SLC16A10: variants seen among roughly 807,000 people sequenced by gnomAD.
SLC16A10 encodes monocarboxylate transporter 10.
Under a neutral mutation model 40.0 loss-of-function variants are expected in SLC16A10, and 27 were observed. The observed-to-expected ratio is 0.67, with a 90% confidence interval of 0.50 to 0.93. The LOEUF is 0.93. Ranked by LOEUF, SLC16A10 falls within the 40% of genes least tolerant of loss-of-function variation. The pLI is 0.00. For synonymous variants in SLC16A10, 213 were observed against 249.8 expected (o/e 0.85, Z 1.39); for missense variants, 529 against 658.2 (o/e 0.80, Z 2.15).
intron 3 of SLC16A10, among the ~76,000 whole-genome samples, chr6:111,195,516 C>T (rs1188380281): frequency 2.6e-5 from 4 of 152,006 alleles, no homozygotes; most frequent in Admixed American, 2.0e-4. Flanking sequence ...GAATTTATCA[C>T]GATAAAAAAT....
intron 1 of SLC16A10, among the ~76,000 whole-genome samples, chr6:111,089,400 T>C (rs1179841810): frequency 1.3e-5 from 2 of 152,202 alleles, no homozygotes; most frequent in African/African-American, 2.4e-5. Flanking sequence ...TTGACTATAT[T>C]ATACTCTATG....
chr6:111,133,502 C>G (rs1771822808), intron 1 of SLC16A10, among the ~76,000 whole-genome samples: 1 of 152,104 alleles, frequency 6.6e-6, no homozygotes, highest in African/African-American at 2.4e-5. Flanking sequence ...CCATGATGTC[C>G]TCTTCAAGGG....
chr6:111,098,830 T>G (rs1170903838), intron 1 of SLC16A10, among the ~76,000 whole-genome samples: 1 of 152,230 alleles, frequency 6.6e-6, no homozygotes. Flanking sequence ...GTTGTCATTG[T>G]TGTCCTGTAG....
intron 2 of SLC16A10, chr6:111,173,456 C>T (rs1772624916): frequency 6.6e-6 from 1 of 152,270 alleles, no homozygotes; most frequent in Non-Finnish European, 1.5e-5. Context: ...TCCCCAACCC[C>T]TGTGCCACAG....
At chr6:111,104,177 A>G (rs1771240333) in intron 1 of SLC16A10, among the ~76,000 whole-genome samples, 1 of 152,196 alleles carries the variant, frequency 6.6e-6, no homozygotes, top group Non-Finnish European at 1.5e-5. Flanking sequence ...AAGCTTGGAC[A>G]TTATTTAATA....
chr6:111,197,274 G>A (rs1279069883), intron 3 of SLC16A10, among the ~76,000 whole-genome samples: 1 of 152,192 alleles, frequency 6.6e-6, no homozygotes, highest in Non-Finnish European at 1.5e-5. Context: ...TTAGTGAAGA[G>A]AGGTTAGAAG....
intron 1 of SLC16A10, among the ~76,000 whole-genome samples, chr6:111,134,506 G>C (rs1020916034): frequency 6.6e-6 from 1 of 151,846 alleles, no homozygotes; most frequent in Non-Finnish European, 1.5e-5. Context: ...TGGCAACCTC[G>C]GTTTTTTATA....
chr6:111,204,998 A>T (rs1773232250), intron 3 of SLC16A10, among the ~76,000 whole-genome samples: 1 of 152,086 alleles, frequency 6.6e-6, no homozygotes. Context: ...TCAGTAGGTA[A>T]TAAAGGTACA....
chr6:111,120,646 A>T (rs1267739883), intron 1 of SLC16A10, among the ~76,000 whole-genome samples: 4 of 152,236 alleles, frequency 2.6e-5, no homozygotes, highest in African/African-American at 9.6e-5. Context: ...CCTGTCCATG[A>T]ACCACTTTCA....
intron 3 of SLC16A10, among the ~76,000 whole-genome samples, chr6:111,182,979 C>G (rs73530974): frequency 6.6e-6 from 1 of 152,162 alleles, no homozygotes; most frequent in Admixed American, 6.5e-5. Flanking sequence ...CCTAACTGGT[C>G]TCTCTGTTCC....
intron 1 of SLC16A10, among the ~76,000 whole-genome samples, 199 bp from the exon 2 acceptor site, chr6:111,172,496 T>C (rs1329803447): frequency 1.3e-5 from 2 of 152,304 alleles, no homozygotes; most frequent in East Asian, 1.9e-4. Context: ...ATAAAATAAA[T>C]ACCCAGTAAC....
Position 111,106,433 on chromosome 6 carries a change from GA to G in SLC16A10, c.343+18346del, listed in dbSNP as rs767026340. Among the ~76,000 whole-genome samples the G allele has an allele frequency of 1.3e-4, 19 of 151,710 alleles. 1 individual carries two copies. The highest frequency in any genetic ancestry group is 9.9e-4 in the Admixed American group (15 of 15,226). On this transcript the variant is annotated intron_variant, in intron 1 of 5. Coordinates refer to ENST00000368851, the MANE Select transcript of SLC16A10 (RefSeq NM_018593.5). ...CCACTTCAAGAGGCAGACTATTTTG[GA>G]AAAAAAAGTCTGGTAAAAGTAATGC...
At chr6:111,221,911 G>T (rs1271777901) in intron 5 of SLC16A10, 92 bp from the exon 6 acceptor site, 11 of 1,120,168 alleles carry the variant, frequency 9.8e-6, no homozygotes, top group Admixed American at 6.2e-5. Context: ...AAAGTCTGAT[G>T]TCTGAGATGT....
Position 111,089,908 on chromosome 6 carries a change from G to GTT in SLC16A10, c.343+1850_343+1851dup, listed in dbSNP as rs541758500. On this transcript the variant is annotated intron_variant, in intron 1 of 5. Transcript: ENST00000368851. Reference sequence around the variant, plus strand: ...TAGATCCTTTGGTGTCTGTGGGTGGGTTTTTTTTTTTTTTTTTTTTTTTTT... The same window carrying GTT: ...TAGATCCTTTGGTGTCTGTGGGTGGGTTTTTTTTTTTTTTTTTTTTTTTTTTT... Among the ~76,000 whole-genome samples the GTT allele has an allele frequency of 5.9e-3, 309 of 52,336 alleles. 132 individuals carry two copies. The highest frequency in any genetic ancestry group is 8.8e-3 in the Non-Finnish European group (232 of 26,260). 34.3% of individuals were successfully genotyped at this position (52,336 alleles called of 152,430 possible).
intron 2 of SLC16A10, among the ~76,000 whole-genome samples, chr6:111,176,929 C>T (rs1366334181): frequency 1.3e-5 from 2 of 152,140 alleles, no homozygotes; most frequent in Non-Finnish European, 2.9e-5. Flanking sequence ...GTGCTGTGTG[C>T]GTCACCTGAA....
chr6:111,153,846 T>C (rs894534913), intron 1 of SLC16A10, among the ~76,000 whole-genome samples: 4 of 152,226 alleles, frequency 2.6e-5, no homozygotes, highest in Non-Finnish European at 5.9e-5. Context: ...TTGCTTTGAG[T>C]ATATTTTTAG....
chr6:111,094,058 T>C (rs937949034), intron 1 of SLC16A10, among the ~76,000 whole-genome samples: 16 of 152,226 alleles, frequency 1.1e-4, no homozygotes, highest in Non-Finnish European at 2.4e-4. Context: ...TCAATAAAAT[T>C]AACTGCTGAA....
intron 1 of SLC16A10, among the ~76,000 whole-genome samples, chr6:111,099,139 G>A (rs1205046690): frequency 6.6e-6 from 1 of 152,182 alleles, no homozygotes; most frequent in Non-Finnish European, 1.5e-5. Flanking sequence ...TAATGTAGTG[G>A]TAACACCTGA....
At chr6:111,088,179 T>G in intron 1 of SLC16A10, 84 bp downstream of exon 1, 1 of 1,385,818 alleles carries the variant, frequency 7.2e-7, no homozygotes, top group Non-Finnish European at 9.9e-7. Flanking sequence ...TGTGTCTGCC[T>G]CCGAGTGTGC....
Sources: allele counts gnomAD v4.1 joint callset (sites outside exome capture counted in the v4.1 genomes callset), GRCh38; gene constraint gnomAD v4.1.1; transcripts MANE v1.5; gene names NCBI Gene and HGNC (gene_info 2026-07-23, HGNC 2026-07-21).